KIAA0825: variants seen among roughly 807,000 people sequenced by gnomAD.
KIAA0825 encodes uncharacterized protein KIAA0825.
Under a neutral mutation model 147.6 loss-of-function variants are expected in KIAA0825, and 119 were observed. The ratio of observed to expected loss-of-function variants is 0.81; its 90% CI spans 0.69 to 0.94. The LOEUF (loss-of-function observed/expected upper bound fraction) is 0.94. Among genes scored for constraint, KIAA0825 ranks in the 40% least tolerant of loss-of-function variants. The pLI is 0.00. For synonymous variants in KIAA0825, 470 were observed against 518.1 expected (o/e 0.91, Z 1.26); for missense variants, 1,381 against 1,472.7 (o/e 0.94, Z 1.02).
intron 20 of KIAA0825, among the ~76,000 whole-genome samples, chr5:94,213,713 A>T (rs1772952892): frequency 6.6e-6 from 1 of 152,140 alleles, no homozygotes; most frequent in Non-Finnish European, 1.5e-5. Context: ...CCAGTTTGGA[A>T]TATTATTTCC....
intron 12 of KIAA0825, 67 bp downstream of exon 12, chr5:94,462,320 T>A: frequency 2.4e-6 from 2 of 833,064 alleles, no homozygotes; most frequent in Middle Eastern, 3.8e-4. Context: ...CCATAAGTGT[T>A]ATGAAAATAA....
At chr5:94,249,004 A>G (rs527568816) in intron 20 of KIAA0825, among the ~76,000 whole-genome samples, 143 of 152,244 alleles carry the variant, frequency 9.4e-4, no homozygotes, top group African/African-American at 3.3e-3. Context: ...CTGTGGGAAG[A>G]AAGAAAGAAT....
intron 20 of KIAA0825, among the ~76,000 whole-genome samples, chr5:94,302,487 G>A (rs557536585): frequency 2.0e-5 from 3 of 152,094 alleles, no homozygotes; most frequent in South Asian, 2.1e-4. Context: ...ATCATGTCCC[G>A]AATTAGAGTA....
chr5:94,258,259 T>C (rs1776335498), intron 20 of KIAA0825, among the ~76,000 whole-genome samples: 2 of 152,022 alleles, frequency 1.3e-5, no homozygotes, highest in South Asian at 4.2e-4. Context: ...TTATAAAAGG[T>C]TTAGGAGAGT....
chr5:94,333,374 C>T (rs1330359240), intron 20 of KIAA0825, among the ~76,000 whole-genome samples: 3 of 152,056 alleles, frequency 2.0e-5, no homozygotes, highest in Non-Finnish European at 4.4e-5. Flanking sequence ...TGTGTTTAAA[C>T]CTTTAATCCA....
intron 19 of KIAA0825, among the ~76,000 whole-genome samples, chr5:94,385,404 A>T (rs1169418004): frequency 6.6e-6 from 1 of 152,190 alleles, no homozygotes; most frequent in Non-Finnish European, 1.5e-5. Flanking sequence ...TGATGAGTGT[A>T]GACTAGAGCT....
chr5:94,468,060 G>C (rs1760764655), intron 10 of KIAA0825, among the ~76,000 whole-genome samples: 1 of 152,170 alleles, frequency 6.6e-6, no homozygotes, highest in Admixed American at 6.5e-5. Flanking sequence ...TAAGTATATG[G>C]AAGCTACAGT....
chr5:94,401,564 G>T (rs988119007), intron 16 of KIAA0825, among the ~76,000 whole-genome samples: 2 of 152,072 alleles, frequency 1.3e-5, no homozygotes, highest in African/African-American at 2.4e-5. Flanking sequence ...CCAAGAGCAT[G>T]GCACCCCTGC....
At chr5:94,542,811 A>G (rs996972250) in intron 2 of KIAA0825, among the ~76,000 whole-genome samples, 1 of 152,166 alleles carries the variant, frequency 6.6e-6, no homozygotes, top group African/African-American at 2.4e-5. Flanking sequence ...CCTCTCAAAA[A>G]AAAGAAAGAA....
chr5:94,341,716 T>G (rs553969672), intron 20 of KIAA0825, among the ~76,000 whole-genome samples: 42 of 152,280 alleles, frequency 2.8e-4, no homozygotes, highest in African/African-American at 9.4e-4. Context: ...CATGGATTGC[T>G]TTTTCAATCT....
Position 94,152,984 on chromosome 5 carries a change from C to T in KIAA0825, c.*1023G>A, listed in dbSNP as rs1583681191. The T allele has an allele frequency of 7.2e-6, 1 of 139,532 alleles. No individual in the cohort carries two copies. The highest frequency in any genetic ancestry group is 7.4e-5 in the Admixed American group (1 of 13,492). 8.6% of individuals were successfully genotyped at this position (139,532 alleles called of 1,614,324 possible). A position where few individuals can be genotyped will look rare whatever the true frequency, so the allele number is the denominator to read the frequency against. ...TTTCTTTCATTGGCAGCTATTTAAT[C>T]AATTGTGTTCGTTAACTGTCCACTT... On this transcript the variant is annotated 3_prime_UTR_variant, in exon 21 of 21. Coordinates refer to ENST00000682413, the MANE Select transcript of KIAA0825 (RefSeq NM_001145678.3).
At chr5:94,259,822 A>G (rs1776410806) in intron 20 of KIAA0825, among the ~76,000 whole-genome samples, 1 of 151,912 alleles carries the variant, frequency 6.6e-6, no homozygotes, top group African/African-American at 2.4e-5. Flanking sequence ...ATTACTATGC[A>G]TAATCTAAGC....
chr5:94,189,008 C>T (rs1009880842), intron 20 of KIAA0825, among the ~76,000 whole-genome samples: 11 of 152,126 alleles, frequency 7.2e-5, no homozygotes, highest in Non-Finnish European at 1.2e-4. Context: ...TAGTAATTTA[C>T]GTTTCCCTGA....
At chr5:94,166,174 G>A (rs1399257879) in intron 20 of KIAA0825, among the ~76,000 whole-genome samples, 6 of 151,798 alleles carry the variant, frequency 4.0e-5, no homozygotes, top group Non-Finnish European at 5.9e-5. Context: ...AAAACAAAAC[G>A]AAACAAAAAA....
At chr5:94,357,140 G>A (rs1784373561) in intron 20 of KIAA0825, among the ~76,000 whole-genome samples, 1 of 152,056 alleles carries the variant, frequency 6.6e-6, no homozygotes. Flanking sequence ...ATTTCTTTTC[G>A]TTAAAAAAAA....
chr5:94,320,878 A>G (rs985664006), intron 20 of KIAA0825, among the ~76,000 whole-genome samples: 1 of 152,046 alleles, frequency 6.6e-6, no homozygotes, highest in Non-Finnish European at 1.5e-5. Context: ...TTTTTTTGGA[A>G]TAATTTTCTC....
chr5:94,214,412 T>C (rs975205157), intron 20 of KIAA0825, among the ~76,000 whole-genome samples: 6 of 152,280 alleles, frequency 3.9e-5, no homozygotes, highest in Non-Finnish European at 8.8e-5. Flanking sequence ...ACCAATGATA[T>C]AAGAGAAGTT....
intron 20 of KIAA0825, among the ~76,000 whole-genome samples, chr5:94,382,195 C>T (rs966320588): frequency 6.6e-6 from 1 of 152,174 alleles, no homozygotes; most frequent in African/African-American, 2.4e-5. Flanking sequence ...CTACACCTAA[C>T]CCCAAACACC....
intron 14 of KIAA0825, among the ~76,000 whole-genome samples, chr5:94,432,130 G>C (rs985369854): frequency 5.9e-5 from 9 of 152,140 alleles, no homozygotes; most frequent in African/African-American, 1.2e-4. Context: ...TATGTTACGA[G>C]GACAAGCCAC....
Sources: allele counts gnomAD v4.1 joint callset (sites outside exome capture counted in the v4.1 genomes callset), GRCh38; gene constraint gnomAD v4.1.1; transcripts MANE v1.5; gene names NCBI Gene and HGNC (gene_info 2026-07-23, HGNC 2026-07-21).